PCDHA8: variants seen among roughly 807,000 people sequenced by gnomAD.
PCDHA8 encodes the protein protocadherin alpha-8.
A neutral mutation model predicts 61.8 loss-of-function variants in PCDHA8; 53 were observed. The ratio of observed to expected loss-of-function variants is 0.86; its 90% confidence interval spans 0.69 to 1.08. The LOEUF is 1.08. Among genes scored for constraint, PCDHA8 ranks in the 50% least tolerant of loss-of-function variants. PCDHA8 has a pLI of 0.00. For synonymous variants in PCDHA8, 618 were observed against 556.6 expected (o/e 1.11, Z -1.55); for missense variants, 1,293 against 1,245.0 (o/e 1.04, Z -0.58).
intron 1 of PCDHA8, among the ~76,000 whole-genome samples, chr5:140,895,223 G>A (rs782692616): frequency 4.0e-4 from 61 of 152,232 alleles, no homozygotes; most frequent in Admixed American, 2.6e-4. Flanking sequence ...ATATTTTACT[G>A]AGTTTTCTCA....
At chr5:140,877,178 C>A (rs370071106) in intron 1 of PCDHA8, 34 of 1,613,676 alleles carry the variant, frequency 2.1e-5, no homozygotes, top group Middle Eastern at 1.7e-4. Context: ...CTGGCGACTC[C>A]GGCTGGCAGC....
intron 1 of PCDHA8, chr5:140,866,543 G>A (rs1329299752): frequency 3.3e-5 from 5 of 152,066 alleles, no homozygotes; most frequent in South Asian, 2.1e-4. Context: ...TTAGCATCAC[G>A]GAATAAATCC....
At chr5:140,956,314 G>C (rs1262942129) in intron 1 of PCDHA8, among the ~76,000 whole-genome samples, 2 of 152,036 alleles carry the variant, frequency 1.3e-5, no homozygotes, top group Admixed American at 6.6e-5. Context: ...ATTATTTTGA[G>C]ATATGTTCCT....
At chr5:140,986,530 G>C (rs1341824536) in intron 3 of PCDHA8, among the ~76,000 whole-genome samples, 1 of 152,162 alleles carries the variant, frequency 6.6e-6, no homozygotes, top group African/African-American at 2.4e-5. Context: ...GAGGGAACTG[G>C]CCTGGCTTCA....
intron 1 of PCDHA8, chr5:140,929,687 C>T (rs2086294433): frequency 3.5e-6 from 1 of 288,138 alleles, no homozygotes; most frequent in African/African-American, 2.2e-5. Flanking sequence ...ATGTAAGAGT[C>T]TGCTTTATAT....
intron 1 of PCDHA8, chr5:140,850,651 C>T (rs2150492277): frequency 1.9e-6 from 3 of 1,598,626 alleles, no homozygotes; most frequent in Admixed American, 1.7e-5. Flanking sequence ...CTGCTGTACA[C>T]TGTGCTGCGG....
chr5:140,868,044 A>G (rs1224087993), intron 1 of PCDHA8: 1 of 152,140 alleles, frequency 6.6e-6, no homozygotes, highest in Non-Finnish European at 1.5e-5. Flanking sequence ...TGGAAATACC[A>G]ATATGGCACA....
chr5:140,965,796 A>AT (rs1377584212), intron 1 of PCDHA8, among the ~76,000 whole-genome samples: 2 of 152,134 alleles, frequency 1.3e-5, no homozygotes, highest in Non-Finnish European at 2.9e-5. Flanking sequence ...CATGGAGACT[A>AT]TTTTTTTAAA....
At chr5:140,971,244 A>G (rs1389573593) in intron 1 of PCDHA8, among the ~76,000 whole-genome samples, 6 of 152,174 alleles carry the variant, frequency 3.9e-5, no homozygotes, top group Non-Finnish European at 8.8e-5. Context: ...GGGCAATTTG[A>G]TACATAAACT....
At chr5:140,892,111 A>G (rs918433393) in intron 1 of PCDHA8, among the ~76,000 whole-genome samples, 3 of 152,206 alleles carry the variant, frequency 2.0e-5, no homozygotes, top group Admixed American at 2.0e-4. Context: ...CTTGGCATTT[A>G]TATCTGGAAC....
At chr5:140,888,705 A>G (rs2061950008) in intron 1 of PCDHA8, among the ~76,000 whole-genome samples, 1 of 152,082 alleles carries the variant, frequency 6.6e-6, no homozygotes, top group South Asian at 2.1e-4. Context: ...ATTGGTAGGA[A>G]TGTGAAATAT....
intron 1 of PCDHA8, chr5:140,875,979 C>G: frequency 3.7e-6 from 6 of 1,613,984 alleles, no homozygotes; most frequent in Non-Finnish European, 5.1e-6. Flanking sequence ...CTCTTTTGAC[C>G]TATGCGTTAA....
At chr5:140,871,283 C>G in intron 1 of PCDHA8, 4 of 1,613,936 alleles carry the variant, frequency 2.5e-6, no homozygotes, top group Non-Finnish European at 3.4e-6. Flanking sequence ...GCAACGCCCA[C>G]TGAGGGCGCG....
At position 140,842,442 on chromosome 5, in the gene PCDHA8, T is replaced by G. The variant is rs1777952178; in HGVS notation, c.1121T>G (p.Val374Gly). The G allele has an allele frequency of 1.2e-6, 2 of 1,613,802 alleles. No homozygotes were observed. Among genetic ancestry groups the G allele is most frequent in the Non-Finnish European group, 1.7e-6 (2 of 1,179,778 alleles). The change falls in exon 1 of 4, where the codon GTG (valine) becomes GGG (glycine). Residue 374 changes from valine (V) to glycine (G), a missense_variant. Transcript: ENST00000531613. ...GGTACTGTCATCGCCCTAATTAGCG[T>G]GAACGACCTCGATTCAGGTGCCAAC... ...QFGTVIALIS[V>G]NDLDSGANGQ...
intron 1 of PCDHA8, chr5:140,865,095 C>T (rs1163378400): frequency 2.0e-5 from 3 of 152,198 alleles, no homozygotes; most frequent in African/African-American, 7.2e-5. Context: ...TTAATAAAGG[C>T]ACTTCCACTT....
chr5:140,858,473 A>G (rs1055200728), intron 1 of PCDHA8: 2 of 1,518,350 alleles, frequency 1.3e-6, no homozygotes, highest in Non-Finnish European at 1.8e-6. Context: ...TTTGTGCTTT[A>G]TGAATAATAT....
At chr5:140,944,870 A>T (rs2093703572) in intron 1 of PCDHA8, among the ~76,000 whole-genome samples, 1 of 152,058 alleles carries the variant, frequency 6.6e-6, no homozygotes, top group Non-Finnish European at 1.5e-5. Flanking sequence ...TATCTTAACC[A>T]CCTACTCCAC....
intron 1 of PCDHA8, among the ~76,000 whole-genome samples, chr5:140,964,320 T>C (rs782388382): frequency 1.3e-5 from 2 of 152,206 alleles, no homozygotes; most frequent in Non-Finnish European, 2.9e-5. Context: ...TAAAACAGCA[T>C]AATGGACAAC....
At position 140,843,179 on chromosome 5, in the gene PCDHA8, A is replaced by T. The variant is rs1554139831; in HGVS notation, c.1858A>T (p.Ile620Phe). The change falls in exon 1 of 4, where the codon ATC (isoleucine) becomes TTC (phenylalanine). Residue 620 changes from isoleucine to phenylalanine, a missense_variant. Transcript: ENST00000531613. Reference sequence around the variant, plus strand: ...GCAGCCAGCTGCAAGCAGCCCTCGCATCCCGTTCCGCGTGGGGCTGTACAC... The same window carrying T: ...GCAGCCAGCTGCAAGCAGCCCTCGCTTCCCGTTCCGCGTGGGGCTGTACAC... The part of the protein sequence containing the change: ...ELQPAASSPR[I>F]PFRVGLYTGE... 4 of 1,595,858 alleles carry T rather than the reference A, an allele frequency of 2.5e-6. 1 individual carries two copies. In the Admixed American group the frequency reaches 5.1e-5, roughly 20 times the overall value.
Sources: allele counts gnomAD v4.1 joint callset (sites outside exome capture counted in the v4.1 genomes callset), GRCh38; gene constraint gnomAD v4.1.1; transcripts MANE v1.5; gene names NCBI Gene and HGNC (gene_info 2026-07-23, HGNC 2026-07-21).